FAT1: variants seen among roughly 807,000 people sequenced by gnomAD.
FAT1 encodes protocadherin Fat 1.
In FAT1, 171 loss-of-function variants were observed where a neutral mutation model predicts 329.8. The ratio of observed to expected loss-of-function variants is 0.52; its 90% CI spans 0.46 to 0.59. The LOEUF (loss-of-function observed/expected upper bound fraction) is 0.59. Ranked by LOEUF, FAT1 falls within the 20% of genes least tolerant of loss-of-function variation. The pLI is 0.00. For missense variants in FAT1, 5,672 were observed against 5,774.4 expected (o/e 0.98, Z 0.57); for synonymous variants, 2,233 against 2,228.6 (o/e 1.00, Z -0.06).
chr4:186,676,279 AAAAAAAAAAAC>A (rs1297192082), intron 2 of FAT1, among the ~76,000 whole-genome samples: 1 of 89,112 alleles, frequency 1.1e-5, no homozygotes, highest in African/African-American at 6.1e-5. Flanking sequence ...TCATTTTGTG[AAAAAAAAAAAC>A]AAAAAAAAAC....
rs749064405 is a variant in FAT1, at chr4:186,597,164, T to A, written c.12376A>T (p.Ser4126Cys). The change falls in exon 25 of 27, where the codon AGT (serine) becomes TGT (cysteine). Residue 4126 changes from serine (S) to cysteine (C), a missense_variant. Transcript: ENST00000441802. ...TTTCCAGAGCACTCGTCGATATCACTCTGACACCTGCCAAGGAAGTCAGGA... is the reference window on the plus strand; with the variant it reads ...TTTCCAGAGCACTCGTCGATATCACACTGACACCTGCCAAGGAAGTCAGGA... ...DSGFRGERCQSDIDECSGNPC... is the reference protein window; with the variant it reads ...DSGFRGERCQCDIDECSGNPC... The A allele has an allele frequency of 6.2e-7, 1 of 1,602,910 alleles. No homozygotes were observed. The highest frequency in any genetic ancestry group is 8.5e-7 in the Non-Finnish European group (1 of 1,174,102).
At position 186,707,472 on chromosome 4, in the gene FAT1, C is replaced by T. The variant is rs1161161950; in HGVS notation, c.2356G>A (p.Asp786Asn). The T allele has an allele frequency of 6.2e-7, 1 of 1,614,030 alleles. No homozygotes were observed. Among genetic ancestry groups the T allele is most frequent in the Non-Finnish European group, 8.5e-7 (1 of 1,179,902 alleles). ...ACGGTAATATTCAGGGTGTATTTGT[C>T]TGTTGTTTCACGGTCAAGAGGAGAT... ...ILSPLDRETT[D>N]KYTLNITVYD... The change falls in exon 2 of 27, where the codon GAC becomes AAC. Residue 786 changes from aspartate to asparagine, a missense_variant. By Grantham distance (23) the Asp-to-Asn change is conservative. Around this residue, in one of 2 missense-constraint regions of FAT1, gnomAD observed 3,966 missense variants for 3,915.2 expected, o/e 1.01. Transcript: ENST00000441802.
At chr4:186,725,629 T>G (rs1471733957), upstream of FAT1, among the ~76,000 whole-genome samples, 1 of 152,174 alleles carries the variant, frequency 6.6e-6, no homozygotes, top group East Asian at 1.9e-4. The surrounding 1 kb of genome is among the most constrained non-coding windows in gnomAD (Gnocchi z 5.4). Flanking sequence ...ACGATTCTAC[T>G]GATCCTTAAG....
chr4:186,620,449 G>A lies in FAT1; in HGVS notation c.6137C>T (p.Ala2046Val), dbSNP rs1739979776. The change falls in exon 10 of 27, where the codon GCG (alanine) becomes GTG (valine). Residue 2046 changes from alanine to valine, a missense_variant. Coordinates refer to ENST00000441802, the MANE Select transcript of FAT1 (RefSeq NM_005245.4). ...GTPFDREQQEAFDVVVEVTEE... is the reference protein window; with the variant it reads ...GTPFDREQQEVFDVVVEVTEE... Reference sequence around the variant, plus strand: ...TGTCACTTCTACAACCACATCAAACGCCTCCTGCTGCTCACGATCGAAGGG... The same window carrying A: ...TGTCACTTCTACAACCACATCAAACACCTCCTGCTGCTCACGATCGAAGGG... 3 of 1,613,964 alleles carry A rather than the reference G, an allele frequency of 1.9e-6. No homozygotes were observed. Among genetic ancestry groups the A allele is most frequent in the Non-Finnish European group, 2.5e-6 (3 of 1,179,892 alleles).
chr4:186,651,892 C>T (rs887242163), intron 3 of FAT1, among the ~76,000 whole-genome samples: 5 of 152,204 alleles, frequency 3.3e-5, no homozygotes, highest in Non-Finnish European at 7.3e-5. Flanking sequence ...CAGCTGTGGC[C>T]GTCTCAGCAG....
intron 2 of FAT1, among the ~76,000 whole-genome samples, chr4:186,696,105 A>T (rs914549514): frequency 1.3e-5 from 2 of 152,150 alleles, no homozygotes; most frequent in Admixed American, 1.3e-4. Flanking sequence ...GCCCTAGAAC[A>T]CTTATTTTAA....
intron 10 of FAT1, 148 bp from the exon 11 acceptor site, chr4:186,617,349 TC>T: frequency 1.6e-6 from 1 of 627,332 alleles, no homozygotes; most frequent in Non-Finnish European, 2.6e-6. Context: ...ATATTAGCCT[TC>T]CAATTTACAA....
At chr4:186,630,792 G>A (rs964713116) in intron 7 of FAT1, among the ~76,000 whole-genome samples, 3 of 152,172 alleles carry the variant, frequency 2.0e-5, no homozygotes, top group African/African-American at 7.2e-5. Context: ...TACAAGAGGT[G>A]GAGCCGGGAT....
intron 3 of FAT1, among the ~76,000 whole-genome samples, chr4:186,645,185 C>T (rs575745282): frequency 1.4e-3 from 208 of 151,584 alleles, no homozygotes; most frequent in African/African-American, 4.9e-3. Context: ...GACCAGCTGG[C>T]CACCAGCCAA....
chr4:186,712,869 C>A (rs1745029077), intron 1 of FAT1, among the ~76,000 whole-genome samples: 1 of 152,112 alleles, frequency 6.6e-6, no homozygotes, highest in African/African-American at 2.4e-5. Flanking sequence ...TCACACCCCG[C>A]AGAGAAGCAC....
At chr4:186,602,796 A>C (rs1738877124) in intron 20 of FAT1, 107 bp downstream of exon 20, 1 of 1,237,542 alleles carries the variant, frequency 8.1e-7, no homozygotes, top group African/African-American at 1.5e-5. Context: ...TCTTCTTACA[A>C]TAAACATACT....
chr4:186,670,930 T>G (rs1042098436), intron 2 of FAT1, among the ~76,000 whole-genome samples: 2 of 152,274 alleles, frequency 1.3e-5, no homozygotes, highest in Non-Finnish European at 2.9e-5. Context: ...AGTAACAATG[T>G]ACCAATACTG....
intron 16 of FAT1, 21 bp downstream of exon 16, chr4:186,609,162 A>C: frequency 6.2e-7 from 1 of 1,609,270 alleles, no homozygotes; most frequent in Middle Eastern, 1.7e-4. Flanking sequence ...TAAACAACGT[A>C]AATCAACCTT....
At chr4:186,627,900 C>A (rs913277055) in intron 9 of FAT1, among the ~76,000 whole-genome samples, 2 of 152,080 alleles carry the variant, frequency 1.3e-5, no homozygotes, top group Admixed American at 6.5e-5. Flanking sequence ...TCCTCTACTA[C>A]GTGGCTTCTC....
rs141130823 is a variant in FAT1 at position 186,683,748 on chromosome 4, T to C, written c.3266-20135A>G. Among the ~76,000 whole-genome samples the C allele has an allele frequency of 4.5e-4, 68 of 152,226 alleles. No homozygotes were observed. The East Asian group carries it at 0.011, about 25-fold the overall frequency. ...AATACACGACTTCTCCCTGTGGTCA[T>C]GGACCCATCAAGGATCACCAGAATG... On this transcript the variant is annotated intron_variant, in intron 2 of 26. Coordinates refer to ENST00000441802, the MANE Select transcript of FAT1 (RefSeq NM_005245.4).
chr4:186,703,175 C>T (rs544117276), intron 2 of FAT1, among the ~76,000 whole-genome samples: 15 of 152,148 alleles, frequency 9.9e-5, no homozygotes, highest in African/African-American at 1.4e-4. Context: ...GCAGAGTCCA[C>T]GCCCGCCATC....
Position 186,628,576 on chromosome 4 carries a change from T to G in FAT1, c.4511A>C (p.Lys1504Thr). 1 of 1,613,930 alleles carries G rather than the reference T, an allele frequency of 6.2e-7. No individual in the cohort carries two copies. The highest frequency in any genetic ancestry group is 8.5e-7 in the Non-Finnish European group (1 of 1,179,886). The change falls in exon 8 of 27, where the codon AAA becomes ACA. Residue 1504 changes from lysine to threonine, a missense_variant. Physicochemically the swap from Lys to Thr is moderately conservative, Grantham distance 78. Transcript: ENST00000441802. ...GCCGGTTGCAGGATCAAGACGAAAT[T>G]TCTTGAGACTCAGTGGATCTCTACT... ...QSSRDPLSLK[K>T]FRLDPATGSL... is the part of the protein sequence containing the mutation.
chr4:186,725,659 A>G (rs934885389), upstream of FAT1, among the ~76,000 whole-genome samples: 3 of 152,122 alleles, frequency 2.0e-5, no homozygotes, highest in African/African-American at 7.2e-5. The surrounding 1 kb of genome is among the most constrained non-coding windows in gnomAD (Gnocchi z 5.4). Flanking sequence ...AACGAAATGG[A>G]CATGCCTATT....
chr4:186,612,830 C>T (rs1739516209), intron 13 of FAT1, among the ~76,000 whole-genome samples: 1 of 152,198 alleles, frequency 6.6e-6, no homozygotes, highest in Admixed American at 6.5e-5. Flanking sequence ...CAAAATAACA[C>T]ATCACTGATT....
Sources: allele counts gnomAD v4.1 joint callset (sites outside exome capture counted in the v4.1 genomes callset), GRCh38; gene constraint gnomAD v4.1.1; regional missense constraint gnomAD v4.1.1; non-coding constraint Gnocchi (gnomAD v3.1); transcripts MANE v1.5; gene names NCBI Gene and HGNC (gene_info 2026-07-23, HGNC 2026-07-21).